Variants in CCDC33 observed in about 807,000 individuals in gnomAD.
The protein encoded by CCDC33 is coiled-coil domain-containing protein 33.
Under a neutral mutation model 91.9 loss-of-function variants are expected in CCDC33, and 94 were observed. That is an observed-to-expected ratio of 1.02 (90% confidence interval 0.87 to 1.21). The LOEUF (loss-of-function observed/expected upper bound fraction) is 1.21. Among genes scored for constraint, CCDC33 ranks in the 50% most tolerant of loss-of-function variants. CCDC33 has a pLI of 0.00. For missense variants in CCDC33, 940 were observed against 935.5 expected (o/e 1.00, Z -0.06); for synonymous variants, 396 against 374.5 (o/e 1.06, Z -0.66).
At chr15:74,203,076 A>ACCAGCATT in exon 1 of CCDC33, 1 of 985,560 alleles carries the variant, frequency 1.0e-6, no homozygotes, top group Non-Finnish European at 1.2e-6. Flanking sequence ...CAGACAGGAG[A>ACCAGCATT]CCAGCATTAC....
intron 2 of CCDC33, chr15:74,221,344 C>T (rs926170073): frequency 7.2e-6 from 7 of 972,520 alleles, no homozygotes; most frequent in Non-Finnish European, 7.3e-6. Flanking sequence ...GAGAAGGAAG[C>T]GGAAGACAAG....
At chr15:74,318,478 C>A in intron 11 of CCDC33, 1 of 577,748 alleles carries the variant, frequency 1.7e-6, no homozygotes, top group South Asian at 2.4e-5. Flanking sequence ...GAAGTGGCCC[C>A]ATGGGCCTGC....
chr15:74,305,564 C>T (rs1284021938), intron 11 of CCDC33, among the ~76,000 whole-genome samples: 1 of 152,204 alleles, frequency 6.6e-6, no homozygotes, highest in African/African-American at 2.4e-5. Flanking sequence ...AGCAGTGCTT[C>T]AGGAGCCAAG....
intron 1 of CCDC33, chr15:74,208,732 T>G (rs1049287100): frequency 2.6e-5 from 26 of 987,982 alleles, no homozygotes; most frequent in Non-Finnish European, 3.1e-5. Context: ...GCACACCCCA[T>G]GTGCCTTCTC....
intron 16 of CCDC33, chr15:74,333,430 G>A (rs2060484968): frequency 1.2e-6 from 1 of 855,576 alleles, no homozygotes; most frequent in Non-Finnish European, 1.9e-6. Context: ...TGGAATCACA[G>A]AATATTGGGC....
intron 7 of CCDC33, among the ~76,000 whole-genome samples, chr15:74,279,289 A>G (rs2076527907): frequency 6.6e-6 from 1 of 152,238 alleles, no homozygotes; most frequent in Non-Finnish European, 1.5e-5. Flanking sequence ...TACTCAAGTC[A>G]TGGGTAATGA....
chr15:74,296,044 G>T, intron 11 of CCDC33, 96 bp downstream of exon 11: 1 of 1,082,384 alleles, frequency 9.2e-7, no homozygotes, highest in Admixed American at 2.7e-5. Context: ...CATGCCTCAG[G>T]TGGCCAGTAG....
At chr15:74,298,484 T>A (rs1454228051) in intron 11 of CCDC33, among the ~76,000 whole-genome samples, 1 of 152,244 alleles carries the variant, frequency 6.6e-6, no homozygotes, top group East Asian at 1.9e-4. Flanking sequence ...TGGGACCAGA[T>A]TGCAGCTTGA....
At chr15:74,298,451 C>T (rs1456543086) in intron 11 of CCDC33, among the ~76,000 whole-genome samples, 1 of 152,164 alleles carries the variant, frequency 6.6e-6, no homozygotes, top group Non-Finnish European at 1.5e-5. Flanking sequence ...TTGATTTTCT[C>T]TTAAGAATTA....
At position 74,218,799 on chromosome 15, in the gene CCDC33, C is replaced by G; in HGVS notation, c.613C>G (p.Pro205Ala). Reference sequence around the variant, plus strand: ...TCAGCCTCCAGTCTCAGACAGCCCTCCCAGGGCTGGCCAGCCAGAACTGAT... The same window carrying G: ...TCAGCCTCCAGTCTCAGACAGCCCTGCCAGGGCTGGCCAGCCAGAACTGAT... The change falls in exon 2 of 3, where the codon CCC (proline) becomes GCC (alanine). Residue 205 changes from proline to alanine, a missense_variant. Transcript: ENST00000635913. The surrounding 1 kb of genome is among the most constrained non-coding windows in gnomAD (Gnocchi z 4.8). 1 of 1,286,004 alleles carries G rather than the reference C, an allele frequency of 7.8e-7. No individual in the cohort carries two copies. Among genetic ancestry groups the G allele is most frequent in the Admixed American group, 2.3e-5 (1 of 43,260 alleles). 79.7% of individuals were successfully genotyped at this position (1,286,004 alleles called of 1,614,324 possible). A position where few individuals can be genotyped will look rare whatever the true frequency, so the allele number is the denominator to read the frequency against.
At chr15:74,224,813 C>T (rs1296401142) in intron 2 of CCDC33, among the ~76,000 whole-genome samples, 1 of 152,162 alleles carries the variant, frequency 6.6e-6, no homozygotes, top group African/African-American at 2.4e-5. Context: ...TTTGGGATGT[C>T]TGTATTGGGC....
intron 2 of CCDC33, among the ~76,000 whole-genome samples, chr15:74,253,328 C>T (rs1283622724): frequency 1.3e-5 from 2 of 152,312 alleles, no homozygotes; most frequent in East Asian, 3.9e-4. Context: ...TCTCCCTAGC[C>T]TGGCCCCCGT....
Position 74,257,486 on chromosome 15 carries a change from T to C in CCDC33, c.186-4954T>C, listed in dbSNP as rs552388182. 2.0e-5 allele frequency among the ~76,000 whole-genome samples: 3 copies of C among 152,292 alleles called. No homozygotes were observed. The South Asian group carries it at 6.2e-4, about 32-fold the overall frequency. On this transcript the variant is annotated intron_variant, in intron 2 of 18. Coordinates refer to ENST00000398814, the MANE Select transcript of CCDC33 (RefSeq NM_025055.5). ...CCCAGCAATCCCAGGGGAGCTTGGC[T>C]AAGGCCAGAGGTGTGAGGGCTGGGG...
chr15:74,208,920 C>G (rs1454746228), intron 1 of CCDC33: 1 of 993,674 alleles, frequency 1.0e-6, no homozygotes, highest in African/African-American at 1.7e-5. Context: ...GCCTTCTCCT[C>G]TGAGCCCAGC....
intron 11 of CCDC33, among the ~76,000 whole-genome samples, chr15:74,299,183 A>G (rs937059389): frequency 2.0e-5 from 3 of 152,212 alleles, no homozygotes; most frequent in Non-Finnish European, 2.9e-5. Flanking sequence ...TCACTCAAGC[A>G]TGCCCACCCT....
chr15:74,321,903 G>A (rs1013735072), intron 11 of CCDC33, among the ~76,000 whole-genome samples: 1 of 152,152 alleles, frequency 6.6e-6, no homozygotes, highest in South Asian at 2.1e-4. Context: ...GCTGAAGGGG[G>A]AGCATGTGCG....
intron 10 of CCDC33, among the ~76,000 whole-genome samples, chr15:74,286,790 C>A (rs2059483746): frequency 6.6e-6 from 1 of 152,148 alleles, no homozygotes; most frequent in East Asian, 1.9e-4. Context: ...GACGTGAAAC[C>A]CCCTGGCTTC....
chr15:74,272,635 AG>A, intron 6 of CCDC33, 135 bp from the exon 7 acceptor site: 1 of 1,104,802 alleles, frequency 9.1e-7, no homozygotes, highest in South Asian at 1.7e-5. Flanking sequence ...ACTTGTCGTG[AG>A]GTCCAGGCCC....
chr15:74,253,704 T>A (rs1312819249), intron 2 of CCDC33, among the ~76,000 whole-genome samples: 1 of 152,110 alleles, frequency 6.6e-6, no homozygotes, highest in Non-Finnish European at 1.5e-5. Flanking sequence ...CCAATCTACT[T>A]ATGCAAATCC....
Sources: gnomAD v4.1 joint callset for allele counts (sites outside exome capture counted in the v4.1 genomes callset) on GRCh38, gnomAD v4.1.1 for gene constraint, Gnocchi (gnomAD v3.1) non-coding constraint, MANE v1.5 for transcripts, NCBI Gene and HGNC (gene_info 2026-07-23, HGNC 2026-07-21) for gene names.